ATXN7L1: variants seen among roughly 807,000 people sequenced by gnomAD.
The protein encoded by ATXN7L1 is ataxin 7 like 1.
ATXN7L1 carries 15 observed loss-of-function variants against 70.8 expected under a neutral mutation model. The ratio of observed to expected loss-of-function variants is 0.21; its 90% CI spans 0.14 to 0.33. ATXN7L1 has a LOEUF of 0.33. Ranked by LOEUF, ATXN7L1 falls within the 10% of genes least tolerant of loss-of-function variation. The probability of loss-of-function intolerance (pLI) is 1.00; values close to 1 mark genes in which losing one functional copy is unlikely to be tolerated. For missense variants in ATXN7L1, 975 were observed against 1,097.1 expected, an observed-to-expected ratio of 0.89 and a Z score of 1.57; for synonymous variants, 440 against 445.1, an observed-to-expected ratio of 0.99 and a Z score of 0.14.
At position 105,689,542 on chromosome 7, in the gene ATXN7L1, A is replaced by C. The variant is rs1790464669; in HGVS notation, c.356-24254T>G. ...GGGGGTGATTGACACAGCTGGGGGC[A>C]GCCCCCATAATCATTCCTAGCTGAG... On this transcript the variant is annotated intron_variant, in intron 3 of 11. Coordinates refer to ENST00000419735, the MANE Select transcript of ATXN7L1 (RefSeq NM_020725.2). Among the ~76,000 whole-genome samples, 5 of 152,268 alleles carry C rather than the reference A, an allele frequency of 3.3e-5. 1 individual carries two copies. The South Asian group carries it at 1.0e-3, about 32-fold the overall frequency.
chr7:105,607,946 T>A, intron 11 of ATXN7L1, 56 bp from the exon 12 acceptor site: 1 of 1,472,440 alleles, frequency 6.8e-7, no homozygotes, highest in South Asian at 1.2e-5. Context: ...AGATTACCCA[T>A]GAGAATTCAA....
chr7:105,758,305 A>G (rs1046483171), intron 3 of ATXN7L1, among the ~76,000 whole-genome samples: 3 of 152,306 alleles, frequency 2.0e-5, no homozygotes, highest in African/African-American at 7.2e-5. Flanking sequence ...AGTATGTTAC[A>G]TCCATGACGG....
chr7:105,741,928 G>C (rs1798062845), intron 3 of ATXN7L1, among the ~76,000 whole-genome samples: 1 of 152,170 alleles, frequency 6.6e-6, no homozygotes, highest in Non-Finnish European at 1.5e-5. Flanking sequence ...GAGAGGCAGG[G>C]AGCAGATTCT....
intron 2 of ATXN7L1, among the ~76,000 whole-genome samples, chr7:105,830,425 C>G (rs184798177): frequency 6.6e-6 from 1 of 152,398 alleles, no homozygotes; most frequent in African/African-American, 2.4e-5. Flanking sequence ...CCCTCCCACC[C>G]AGCCCTGCCC....
rs772326995 is a variant in ATXN7L1 at position 105,876,330 on chromosome 7, G to A, written c.181+48C>T. On this transcript the variant is annotated intron_variant, in intron 1 of 11. Coordinates refer to ENST00000419735, the MANE Select transcript of ATXN7L1 (RefSeq NM_020725.2). ...TTTTCCCAGTGGCTCTAGGTGAATGGAAAGGTTACAGGATAATAAAAGGAG... is the reference window on the plus strand; with the variant it reads ...TTTTCCCAGTGGCTCTAGGTGAATGAAAAGGTTACAGGATAATAAAAGGAG... The A allele has an allele frequency of 5.3e-6, 8 of 1,519,702 alleles. No homozygotes were observed. In the East Asian group the frequency reaches 1.9e-4, roughly 37 times the overall value. The allele number at this position is 1,519,702 out of a possible 1,614,324, so 94.1% of individuals were successfully genotyped here. A position where few individuals can be genotyped will look rare whatever the true frequency, so the allele number is the denominator to read the frequency against.
intron 2 of ATXN7L1, among the ~76,000 whole-genome samples, chr7:105,873,208 A>C (rs1013767413): frequency 6.6e-6 from 1 of 152,144 alleles, no homozygotes; most frequent in Non-Finnish European, 1.5e-5. Context: ...CAAAAATCGG[A>C]ACCACTTCCC....
At chr7:105,658,687 T>C (rs1391997856) in intron 4 of ATXN7L1, among the ~76,000 whole-genome samples, 1 of 151,948 alleles carries the variant, frequency 6.6e-6, no homozygotes, top group Non-Finnish European at 1.5e-5. Flanking sequence ...TGCGCCACCA[T>C]GCCTGGTTAT....
chr7:105,850,952 C>T (rs1055619248), intron 2 of ATXN7L1, among the ~76,000 whole-genome samples: 1 of 152,184 alleles, frequency 6.6e-6, no homozygotes, highest in Non-Finnish European at 1.5e-5. Flanking sequence ...TTCCTTCCTG[C>T]TGCCCCGCTT....
rs544215984 is a variant in ATXN7L1, at chr7:105,683,138, C to T, written c.356-17850G>A. Reference sequence around the variant, plus strand: ...ACAGGCACTCTAAGACAGCAGTTCCCAAACGCTAATGCTACCAATTTGGGT... The same window carrying T: ...ACAGGCACTCTAAGACAGCAGTTCCTAAACGCTAATGCTACCAATTTGGGT... On this transcript the variant is annotated intron_variant, in intron 3 of 11. Coordinates refer to ENST00000419735, the MANE Select transcript of ATXN7L1 (RefSeq NM_020725.2). Among the ~76,000 whole-genome samples, 69 of 152,274 alleles carry T rather than the reference C, an allele frequency of 4.5e-4. 2 individuals carry two copies. Among genetic ancestry groups the T allele is most frequent in the Admixed American group, 4.5e-3 (69 of 15,294 alleles).
At position 105,628,792 on chromosome 7, in the gene ATXN7L1, C is replaced by CAAATAAAT. The variant is rs199937717; in HGVS notation, c.1203-4533_1203-4526dup. Among the ~76,000 whole-genome samples, 168 of 142,008 alleles carry CAAATAAAT rather than the reference C, an allele frequency of 1.2e-3. 1 individual carries two copies. Among genetic ancestry groups the CAAATAAAT allele is most frequent in the East Asian group, 5.7e-3 (28 of 4,874 alleles). 93.2% of individuals were successfully genotyped at this position (142,008 alleles called of 152,430 possible). On this transcript the variant is annotated intron_variant, in intron 7 of 11. Coordinates refer to ENST00000419735, the MANE Select transcript of ATXN7L1 (RefSeq NM_020725.2). ...GGGGCCACAGAGCGAGACTCCATCT[C>CAAATAAAT]AAATAAATAAATAAATAAATAAATA...
Position 105,738,970 on chromosome 7 carries a change from T to C in ATXN7L1, c.355+49634A>G, listed in dbSNP as rs1232799896. 5.9e-5 allele frequency among the ~76,000 whole-genome samples: 9 copies of C among 152,164 alleles called. No individual in the cohort carries two copies. The South Asian group carries it at 1.7e-3, about 28-fold the overall frequency. ...GGTGGGGAGGGCAAGGGGGAAAAAT[T>C]TGCAACCAAGGTCCATCCCTTCTGA... is the stretch of plus-strand genomic sequence containing the variant. On this transcript the variant is annotated intron_variant, in intron 3 of 11. Transcript: ENST00000419735.
At chr7:105,802,858 G>A (rs182306076) in intron 2 of ATXN7L1, among the ~76,000 whole-genome samples, 183 of 152,228 alleles carry the variant, frequency 1.2e-3, no homozygotes, top group Non-Finnish European at 1.9e-3. Context: ...TGTTTTTCCT[G>A]GTTTAAATGA....
intron 4 of ATXN7L1, among the ~76,000 whole-genome samples, chr7:105,661,775 T>C (rs1352324381): frequency 6.6e-6 from 1 of 152,166 alleles, no homozygotes; most frequent in Non-Finnish European, 1.5e-5. Context: ...GCCAGGCAGA[T>C]GGGAGGTGAG....
At chr7:105,804,522 A>G (rs996272129) in intron 2 of ATXN7L1, among the ~76,000 whole-genome samples, 1 of 152,218 alleles carries the variant, frequency 6.6e-6, no homozygotes, top group Non-Finnish European at 1.5e-5. Flanking sequence ...GGGTAGCCCT[A>G]GAAATAAATT....
At chr7:105,814,161 C>T (rs897409566) in intron 2 of ATXN7L1, among the ~76,000 whole-genome samples, 1 of 152,216 alleles carries the variant, frequency 6.6e-6, no homozygotes, top group Non-Finnish European at 1.5e-5. Flanking sequence ...AGGATGTATC[C>T]TCTCTACCTG....
At chr7:105,656,796 C>G (rs1800721228) in intron 4 of ATXN7L1, among the ~76,000 whole-genome samples, 1 of 152,188 alleles carries the variant, frequency 6.6e-6, no homozygotes, top group South Asian at 2.1e-4. Flanking sequence ...GTCTTGAACT[C>G]CTGACTTCAG....
chr7:105,727,986 G>A (rs570733890), intron 3 of ATXN7L1, among the ~76,000 whole-genome samples: 169 of 151,544 alleles, frequency 1.1e-3, no homozygotes, highest in African/African-American at 4.0e-3. Flanking sequence ...TGTATTACTT[G>A]TGTAATGTAA....
Position 105,610,584 on chromosome 7 carries a change from A to G in ATXN7L1, c.2492T>C (p.Leu831Pro), listed in dbSNP as rs373477495. The G allele has an allele frequency of 1.9e-6, 3 of 1,551,168 alleles. No homozygotes were observed. The highest frequency in any genetic ancestry group is 2.7e-5 in the African/African-American group (2 of 72,846). ...SSRQVGKNSSLALSQSSPSSI... is the reference protein window; with the variant it reads ...SSRQVGKNSSPALSQSSPSSI... ...TGAAGGACTGGATTGTGACAAAGCT[A>G]GGCTGCTATTTTTCCCAACCTGAAA... The change falls in exon 11 of 12, where the codon CTA (leucine) becomes CCA (proline). Residue 831 changes from leucine to proline, a missense_variant. Leu to Pro is a moderately conservative substitution (Grantham distance 98, BLOSUM62 -3). Transcript: ENST00000419735.
intron 3 of ATXN7L1, among the ~76,000 whole-genome samples, chr7:105,757,677 C>T (rs567138689): frequency 6.6e-6 from 1 of 151,126 alleles, no homozygotes; most frequent in African/African-American, 2.4e-5. Flanking sequence ...TCTCCGGGGC[C>T]CAAGGAGCGA....
Sources: gnomAD v4.1 joint callset for allele counts (sites outside exome capture counted in the v4.1 genomes callset) on GRCh38, gnomAD v4.1.1 for gene constraint, MANE v1.5 for transcripts, NCBI Gene and HGNC (gene_info 2026-07-23, HGNC 2026-07-21) for gene names.